Variants in RYR2 observed in about 807,000 individuals in gnomAD.
RYR2 encodes the protein ryanodine receptor 2, also known as cardiac muscle ryanodine receptor-calcium release channel.
Under a neutral mutation model 601.1 loss-of-function variants are expected in RYR2, and 227 were observed. The ratio of observed to expected loss-of-function variants is 0.38; its 90% CI spans 0.34 to 0.42. RYR2 has a LOEUF of 0.42. RYR2 is among the 10% of genes least tolerant of loss of function. RYR2 has a pLI of 1.00. For synonymous variants in RYR2, 2,223 were observed against 2,175.1 expected, an observed-to-expected ratio of 1.02 and a Z score of -0.61; for missense variants, 4,646 against 6,156.5, an observed-to-expected ratio of 0.75 and a Z score of 8.21.
chr1:237,538,142 C>T (rs1668842159), intron 25 of RYR2, among the ~76,000 whole-genome samples: 1 of 151,912 alleles, frequency 6.6e-6, no homozygotes, highest in Non-Finnish European at 1.5e-5. Flanking sequence ...GTAATCCCAG[C>T]ACTTTGGGAA....
chr1:237,597,627 T>C (rs1676037325), intron 34 of RYR2, among the ~76,000 whole-genome samples: 1 of 152,030 alleles, frequency 6.6e-6, no homozygotes, highest in Non-Finnish European at 1.5e-5. Context: ...TAAGATGGTC[T>C]ATTATAACTA....
rs371157286 is a variant in RYR2 at position 237,792,259 on chromosome 1, G to T, written c.13718G>T (p.Arg4573Leu). The T allele has an allele frequency of 2.5e-6, 4 of 1,613,756 alleles. No homozygotes were observed. Among genetic ancestry groups the T allele is most frequent in the Non-Finnish European group, 3.4e-6 (4 of 1,179,818 alleles). Residue 4573 changes from arginine (R) to leucine (L), a missense_variant, in exon 94 of 105, where the codon CGT becomes CTT. Physicochemically the swap from Arg to Leu is moderately radical, Grantham distance 102 (BLOSUM62 -2). This residue lies in a region of RYR2 where 364 missense variants were observed against 442.9 expected (regional missense o/e 0.82). Coordinates refer to ENST00000366574, the MANE Select transcript of RYR2 (RefSeq NM_001035.3). ...AGCGGCTACATGGAGCCCACGTTGC[G>T]TATCTTAGCTATTCTGCACACGGTC... ...ESSGYMEPTL[R>L]ILAILHTVIS...
In RYR2 at chr1:237,678,192, G is replaced by T. The variant is rs1046346851; in HGVS notation, c.8895+80G>T. ...ACTCATTAGATCGTTGCCCTTTTCA[G>T]AACATACTTGTCTACAAATGTGTAT... On this transcript the variant is annotated intron_variant, in intron 61 of 104. Coordinates refer to ENST00000366574, the MANE Select transcript of RYR2 (RefSeq NM_001035.3). 8 of 751,148 alleles carry T rather than the reference G, an allele frequency of 1.1e-5. No homozygotes were observed. In the Admixed American group the frequency reaches 1.5e-4, roughly 14 times the overall value. 46.5% of individuals were successfully genotyped at this position (751,148 alleles called of 1,614,324 possible).
intron 27 of RYR2, among the ~76,000 whole-genome samples, chr1:237,558,033 A>G (rs1428067276): frequency 6.6e-6 from 1 of 152,208 alleles, no homozygotes; most frequent in Non-Finnish European, 1.5e-5. Flanking sequence ...ACATTTTTAC[A>G]CTAAGGGAGA....
chr1:237,606,283 T>C (rs1020902655), intron 35 of RYR2, among the ~76,000 whole-genome samples: 2 of 152,126 alleles, frequency 1.3e-5, no homozygotes, highest in African/African-American at 4.8e-5. Flanking sequence ...AACCATCTGA[T>C]CTTTGACAAA....
At chr1:237,396,186 G>C (rs1280328342) in intron 10 of RYR2, among the ~76,000 whole-genome samples, 1 of 152,130 alleles carries the variant, frequency 6.6e-6, no homozygotes, top group Non-Finnish European at 1.5e-5. Flanking sequence ...CAGCAATTAG[G>C]GGCGGGGAAA....
intron 1 of RYR2, among the ~76,000 whole-genome samples, chr1:237,169,287 C>T (rs556869872): frequency 8.4e-6 from 1 of 119,476 alleles, no homozygotes; most frequent in East Asian, 2.5e-4. Flanking sequence ...TGTGTGATTG[C>T]CTTTTTTTTT....
intron 1 of RYR2, among the ~76,000 whole-genome samples, chr1:237,053,485 C>A (rs552579422): frequency 1.3e-5 from 2 of 152,306 alleles, no homozygotes; most frequent in East Asian, 3.9e-4. Context: ...TTGCATCACA[C>A]AGAAGCCTGC....
rs1226655360 is a variant in RYR2, at chr1:237,785,963, T to C, written c.13261-6T>C. The C allele has an allele frequency of 1.3e-6, 2 of 1,586,800 alleles. No homozygotes were observed. The highest frequency in any genetic ancestry group is 2.3e-5 in the East Asian group (1 of 44,214). ...TGGTTTTCTTTTCCCCATTGACTCA[T>C]TCAAGGAACAGAAGGCAAAAGAAGA... On this transcript the variant is annotated splice_polypyrimidine_tract_variant and splice_region_variant and intron_variant, in intron 90 of 104. Coordinates refer to ENST00000366574, the MANE Select transcript of RYR2 (RefSeq NM_001035.3).
chr1:237,177,034 A>G (rs562494329), intron 1 of RYR2, among the ~76,000 whole-genome samples: 1 of 152,196 alleles, frequency 6.6e-6, no homozygotes, highest in South Asian at 2.1e-4. Flanking sequence ...TTTGTAAACA[A>G]AAACGTTGAC....
intron 3 of RYR2, among the ~76,000 whole-genome samples, chr1:237,332,292 A>C: frequency 6.6e-6 from 1 of 152,190 alleles, no homozygotes; most frequent in East Asian, 1.9e-4. Flanking sequence ...TCTAAATTAA[A>C]TTTCAGCAGT....
chr1:237,113,683 A>G (rs1460585884), intron 1 of RYR2, among the ~76,000 whole-genome samples: 2 of 152,186 alleles, frequency 1.3e-5, no homozygotes, highest in African/African-American at 2.4e-5. Context: ...AAAAATCCAC[A>G]TAGTACACTT....
intron 20 of RYR2, 114 bp downstream of exon 20, chr1:237,496,866 A>T: frequency 7.9e-7 from 1 of 1,265,312 alleles, no homozygotes; most frequent in South Asian, 1.6e-5. Context: ...AATTATTCAG[A>T]AATTTAGCAT....
intron 79 of RYR2, among the ~76,000 whole-genome samples, chr1:237,740,128 A>G (rs1691484879): frequency 6.6e-6 from 1 of 152,186 alleles, no homozygotes; most frequent in South Asian, 2.1e-4. Context: ...TTTGCTTAGC[A>G]TTATCATCTA....
chr1:237,203,588 A>C (rs957830569), intron 1 of RYR2, among the ~76,000 whole-genome samples: 2 of 152,220 alleles, frequency 1.3e-5, no homozygotes, highest in Admixed American at 1.3e-4. Context: ...TGTTACTTAC[A>C]ATGGTAAAAA....
intron 1 of RYR2, among the ~76,000 whole-genome samples, chr1:237,266,571 A>G (rs931607021): frequency 6.6e-6 from 1 of 152,236 alleles, no homozygotes; most frequent in East Asian, 1.9e-4. Flanking sequence ...ATTAAAGGCA[A>G]CTGGAAGGTG....
At chr1:237,345,928 T>G (rs1698266320) in intron 3 of RYR2, among the ~76,000 whole-genome samples, 2 of 152,196 alleles carry the variant, frequency 1.3e-5, no homozygotes, top group South Asian at 4.1e-4. Context: ...GTAATTCTGA[T>G]AAGTAGCCTC....
chr1:237,501,409 C>T (rs1440186881), intron 21 of RYR2, among the ~76,000 whole-genome samples: 5 of 151,656 alleles, frequency 3.3e-5, no homozygotes, highest in Admixed American at 3.3e-4. Context: ...TATTCTCTGC[C>T]CATGGTCAAT....
At position 237,675,254 on chromosome 1, in the gene RYR2, G is replaced by A. The variant is rs1449880132; in HGVS notation, c.8830+408G>A. 3.9e-5 allele frequency among the ~76,000 whole-genome samples: 6 copies of A among 152,096 alleles called. No homozygotes were observed. In the East Asian group the frequency reaches 1.2e-3, roughly 29 times the overall value. ...AGAGGTCTTGAGTTTAGCCTTTGCA[G>A]GGAAACACGTTAATACTAGAGTAAC... On this transcript the variant is annotated intron_variant, in intron 60 of 104. Transcript: ENST00000366574.
Sources: gnomAD v4.1 joint callset for allele counts (sites outside exome capture counted in the v4.1 genomes callset) on GRCh38, gnomAD v4.1.1 for gene constraint, gnomAD v4.1.1 regional missense constraint, MANE v1.5 for transcripts, NCBI Gene and HGNC (gene_info 2026-07-23, HGNC 2026-07-21) for gene names.